RSPH6A: variants seen among roughly 807,000 people sequenced by gnomAD.
The protein encoded by RSPH6A is radial spoke head 6 homolog A.
A neutral mutation model predicts 66.1 loss-of-function variants in RSPH6A; 49 were observed. That is an observed-to-expected ratio of 0.74 (90% CI 0.59 to 0.94). The LOEUF is 0.94. Ranked by LOEUF, RSPH6A falls within the 40% of genes least tolerant of loss-of-function variation. The pLI is 0.00. For missense variants in RSPH6A, 977 were observed against 948.3 expected (o/e 1.03, Z -0.40); for synonymous variants, 419 against 402.4 (o/e 1.04, Z -0.49).
chr19:45,800,577 GCAGCAGAGGGGGGCAGCAGGGT>G lies in RSPH6A; in HGVS notation c.1799-36_1799-15del. On this transcript the variant is annotated splice_polypyrimidine_tract_variant and intron_variant, in intron 4 of 5. Transcript: ENST00000221538. ...GGTGCATGATTTCTGTGGTGGAGAG[GCAGCAGAGGGGGGCAGCAGGGT>G]CAGGGAGGCCCCCAGGCCCTGCACT... 6.2e-7 allele frequency: 1 copy of G among 1,603,472 alleles called. No homozygotes were observed. Among genetic ancestry groups the G allele is most frequent in the Non-Finnish European group, 8.5e-7 (1 of 1,173,762 alleles).
Position 45,800,435 on chromosome 19 carries a change from G to A in RSPH6A, c.1916+11C>T, listed in dbSNP as rs1316469959. 1 of 1,608,586 alleles carries A rather than the reference G, an allele frequency of 6.2e-7. No homozygotes were observed. Among genetic ancestry groups the A allele is most frequent in the Non-Finnish European group, 8.5e-7 (1 of 1,176,684 alleles). Reference sequence around the variant, plus strand: ...GATTCTCCTGCTGGGAGGGGCTGGGGGAAGACCTACTTGCCACTGGCATAG... The same window carrying A: ...GATTCTCCTGCTGGGAGGGGCTGGGAGAAGACCTACTTGCCACTGGCATAG... On this transcript the variant is annotated intron_variant, in intron 5 of 5. Coordinates refer to ENST00000221538, the MANE Select transcript of RSPH6A (RefSeq NM_030785.4).
At chr19:45,802,394 T>C (rs1970484855) in intron 3 of RSPH6A, 130 bp from the exon 4 acceptor site, 2 of 727,898 alleles carry the variant, frequency 2.7e-6, no homozygotes, top group East Asian at 3.4e-5. Context: ...GAGGGCAAGA[T>C]TTAGCCGCAC....
intron 3 of RSPH6A, among the ~76,000 whole-genome samples, chr19:45,803,274 G>T (rs570906655): frequency 2.4e-4 from 36 of 152,076 alleles, no homozygotes; most frequent in Middle Eastern, 3.4e-3. Flanking sequence ...TAACTACTCG[G>T]GAGGCTAAGG....
chr19:45,805,691 CAA>C (rs777190769), intron 2 of RSPH6A, among the ~76,000 whole-genome samples: 2 of 89,700 alleles, frequency 2.2e-5, no homozygotes, highest in African/African-American at 1.1e-4. Flanking sequence ...GACTCCCACT[CAA>C]AAAAAAAGAG....
intron 5 of RSPH6A, among the ~76,000 whole-genome samples, chr19:45,799,630 G>A (rs1239193829): frequency 1.3e-5 from 2 of 151,450 alleles, no homozygotes; most frequent in Non-Finnish European, 2.9e-5. Context: ...CTCCCACCTT[G>A]GCAACCCAGA....
At chr19:45,806,619 G>A (rs1434653265) in intron 2 of RSPH6A, among the ~76,000 whole-genome samples, 5 of 135,674 alleles carry the variant, frequency 3.7e-5, no homozygotes, top group African/African-American at 1.4e-4. Flanking sequence ...TGCAGTGAGT[G>A]GAGATTGCAC....
At chr19:45,808,480 C>T (rs1970575438) in intron 2 of RSPH6A, among the ~76,000 whole-genome samples, 1 of 151,928 alleles carries the variant, frequency 6.6e-6, no homozygotes, top group South Asian at 2.1e-4. Flanking sequence ...GTAATCCCAG[C>T]TACTCGGGAG....
Position 45,814,908 on chromosome 19 carries a change from A to G in RSPH6A, c.269T>C (p.Val90Ala). ...ARLGGMEYPSVNTGFPSEFQP... is the reference protein window; with the variant it reads ...ARLGGMEYPSANTGFPSEFQP... ...GAACTCTGAGGGAAAGCCCGTGTTC[A>G]CAGATGGGTACTCCATGCCACCCAG... The change falls in exon 1 of 6, where the codon GTG (valine) becomes GCG (alanine). Residue 90 changes from valine (V) to alanine (A), a missense_variant. By Grantham distance (64) the Val-to-Ala change is moderately conservative (BLOSUM62 0). Coordinates refer to ENST00000221538, the MANE Select transcript of RSPH6A (RefSeq NM_030785.4). The G allele has an allele frequency of 6.2e-7, 1 of 1,614,126 alleles. No individual in the cohort carries two copies. The highest frequency in any genetic ancestry group is 8.5e-7 in the Non-Finnish European group (1 of 1,180,040).
intron 4 of RSPH6A, among the ~76,000 whole-genome samples, 199 bp from the exon 5 acceptor site, chr19:45,800,762 ACACACACACACACT>A (rs1410923047): frequency 8.5e-6 from 1 of 117,322 alleles, no homozygotes; most frequent in African/African-American, 3.0e-5. Context: ...ACACACACAC[ACACACACACACACT>A]CTCTCTCTCT....
At chr19:45,810,016 C>G (rs965159176) in intron 2 of RSPH6A, among the ~76,000 whole-genome samples, 3 of 152,212 alleles carry the variant, frequency 2.0e-5, no homozygotes, top group African/African-American at 7.2e-5. Flanking sequence ...ACATTAAGAA[C>G]TCCAGCTCTT....
chr19:45,810,854 G>A lies in RSPH6A; in HGVS notation c.651-14C>T. The A allele has an allele frequency of 6.3e-7, 1 of 1,590,662 alleles. No homozygotes were observed. The highest frequency in any genetic ancestry group is 8.6e-7 in the Non-Finnish European group (1 of 1,164,010). ...AGGTGCTCGTACCTGCCTCCCGCAG[G>A]AGGAGTGGGAGGAGAGGGACCTCAC... is the stretch of plus-strand genomic sequence containing the variant. On this transcript the variant is annotated splice_polypyrimidine_tract_variant and intron_variant, in intron 1 of 5. Transcript: ENST00000221538.
chr19:45,814,278 C>A (rs898770131), intron 1 of RSPH6A, among the ~76,000 whole-genome samples: 12 of 152,200 alleles, frequency 7.9e-5, no homozygotes, highest in Non-Finnish European at 1.0e-4. Context: ...GTCTCGGTCT[C>A]CTCCTCTGTA....
In RSPH6A at chr19:45,810,804, C is replaced by T. The variant is rs138345888; in HGVS notation, c.687G>A (p.Leu229=). ...EHLVNLLTKI[L]NQRPEDPLSV... is the part of the protein sequence containing the mutation. ...ACAAGGGGTCCTCAGGCCGCTGGTT[C>T]AGGATCTTGGTCAGCAGATTCACCA... Residue 229 remains leucine (L), a synonymous_variant, in exon 2 of 6, where the codon CTG becomes CTA. Transcript: ENST00000221538. The T allele has an allele frequency of 5.0e-6, 8 of 1,612,896 alleles. No homozygotes were observed. Among genetic ancestry groups the T allele is most frequent in the Middle Eastern group, 1.6e-4 (1 of 6,080 alleles).
At chr19:45,809,303 T>TGGCC in intron 2 of RSPH6A, among the ~76,000 whole-genome samples, 3 of 3,338 alleles carry the variant, frequency 9.0e-4, no homozygotes, top group Non-Finnish European at 1.7e-3. Flanking sequence ...GCCTGGCCTT[T>TGGCC]TTTTTTTTTT....
In RSPH6A at chr19:45,814,868, G is replaced by T. The variant is rs754472166; in HGVS notation, c.309C>A (p.Tyr103Ter). 2.8e-5 allele frequency: 45 copies of T among 1,613,966 alleles called. No homozygotes were observed. Among genetic ancestry groups the T allele is most frequent in the Non-Finnish European group, 3.5e-5 (41 of 1,179,970 alleles). ...CGACCTGCATCCTGCTTTCATCAGA[G>T]TAAGGCTGAGGCTGGAACTCTGAGG... ...GFPSEFQPQPYSDESRMQVAE... is the reference protein window; with the variant it reads ...GFPSEFQPQP The change falls in exon 1 of 6, where the codon TAC (tyrosine) becomes TAA (stop). Residue 103 changes from tyrosine to a stop codon, truncating the protein, a stop_gained. Transcript: ENST00000221538. LOFTEE classifies it high-confidence loss of function.
At chr19:45,802,894 G>A (rs2146283660) in intron 3 of RSPH6A, among the ~76,000 whole-genome samples, 1 of 148,788 alleles carries the variant, frequency 6.7e-6, no homozygotes, top group Admixed American at 6.7e-5. Flanking sequence ...TGAAAGCTCC[G>A]CCTCCTGGGT....
intron 1 of RSPH6A, among the ~76,000 whole-genome samples, chr19:45,811,468 C>T (rs988016654): frequency 2.0e-5 from 3 of 151,578 alleles, no homozygotes; most frequent in South Asian, 4.2e-4. Context: ...GAGGAGGTCT[C>T]GCTGTGTTGC....
chr19:45,809,669 G>A (rs529674258), intron 2 of RSPH6A, among the ~76,000 whole-genome samples: 5 of 152,156 alleles, frequency 3.3e-5, no homozygotes, highest in African/African-American at 4.8e-5. Flanking sequence ...AACACCTGCC[G>A]TGCAGCTGCT....
In RSPH6A at chr19:45,815,098, G is replaced by A. The variant is rs1303993698; in HGVS notation, c.79C>T (p.Arg27Trp). 6.2e-7 allele frequency: 1 copy of A among 1,612,872 alleles called. No homozygotes were observed. The highest frequency in any genetic ancestry group is 1.3e-5 in the African/African-American group (1 of 74,946). ...GRRTSQASQR[R>W]HSRDQAQALA... ...GCCTGAGCTTGGTCCCGACTGTGCC[G>A]CCTCTGGGAGGCCTGAGAAGTCCTC... Residue 27 changes from arginine (R) to tryptophan (W), a missense_variant, in exon 1 of 6, where the codon CGG (arginine) becomes TGG (tryptophan). Transcript: ENST00000221538.
Sources: allele counts gnomAD v4.1 joint callset (sites outside exome capture counted in the v4.1 genomes callset), GRCh38; gene constraint gnomAD v4.1.1; transcripts MANE v1.5; gene names NCBI Gene and HGNC (gene_info 2026-07-23, HGNC 2026-07-21).